The following KPNA4 variants were observed in gnomAD, a reference collection of about 807,000 sequenced individuals.
KPNA4 encodes the protein karyopherin subunit alpha 4, also known as importin subunit alpha-3.
KPNA4 carries 13 observed loss-of-function variants against 71.3 expected under a neutral mutation model. The ratio of observed to expected loss-of-function variants is 0.18; its 90% CI spans 0.12 to 0.29. The LOEUF (loss-of-function observed/expected upper bound fraction) is 0.29. KPNA4 is among the 10% of genes least tolerant of loss of function. KPNA4 has a pLI of 1.00. For missense variants in KPNA4, 334 were observed against 603.2 expected (o/e 0.55, Z 4.67); for synonymous variants, 189 against 195.2 (o/e 0.97, Z 0.26).
chr3:160,514,848 A>G lies in KPNA4; in HGVS notation c.1032+604T>C. 16 of 434,298 alleles carry G rather than the reference A, an allele frequency of 3.7e-5. 1 individual carries two copies. The highest frequency in any genetic ancestry group is 2.9e-4 in the South Asian group (16 of 56,010). 26.9% of individuals were successfully genotyped at this position (434,298 alleles called of 1,614,324 possible). On this transcript the variant is annotated intron_variant, in intron 12 of 16. Coordinates refer to ENST00000334256, the MANE Select transcript of KPNA4 (RefSeq NM_002268.5). ...GTGGCCTTACGCGTTATAATCATAG[A>G]TAACTAATAAGTTTTACTCTAAAAA...
At chr3:160,515,618 CTT>C (rs112603907) in intron 11 of KPNA4, 38 bp from the exon 12 acceptor site, 20,555 of 1,366,740 alleles carry the variant, frequency 0.015, no homozygotes, top group South Asian at 0.026. Flanking sequence ...ATGTGAAATC[CTT>C]TTTTTTTTTT....
chr3:160,522,701 G>A (rs1310782585), intron 10 of KPNA4, among the ~76,000 whole-genome samples: 1 of 151,940 alleles, frequency 6.6e-6, no homozygotes, highest in Non-Finnish European at 1.5e-5. Flanking sequence ...CTCATGATCC[G>A]CCCGCCTCGG....
chr3:160,537,572 A>T (rs1366887110), intron 1 of KPNA4, among the ~76,000 whole-genome samples: 1 of 150,710 alleles, frequency 6.6e-6, no homozygotes, highest in Non-Finnish European at 1.5e-5. Context: ...GTTTTTACAT[A>T]CAGGTTCACC....
chr3:160,554,492 T>C lies in KPNA4; in HGVS notation c.69+10722A>G, dbSNP rs538806971. Among the ~76,000 whole-genome samples, 7 of 152,328 alleles carry C rather than the reference T, an allele frequency of 4.6e-5. No individual in the cohort carries two copies. The East Asian group carries it at 9.6e-4, about 21-fold the overall frequency. ...TTGGTCTTCATCCCATTTCCAGACATACAACTTCTAAAATCCTTAAAATCT... is the reference window on the plus strand; with the variant it reads ...TTGGTCTTCATCCCATTTCCAGACACACAACTTCTAAAATCCTTAAAATCT... On this transcript the variant is annotated intron_variant, in intron 1 of 16. Transcript: ENST00000334256.
chr3:160,544,801 A>G (rs550412208), intron 1 of KPNA4, among the ~76,000 whole-genome samples: 56 of 150,518 alleles, frequency 3.7e-4, no homozygotes, highest in Non-Finnish European at 7.4e-4. Context: ...TGAGAAAAAT[A>G]GTTTTTTTTT....
chr3:160,507,794 G>T (rs1029232251), intron 15 of KPNA4, among the ~76,000 whole-genome samples: 95 of 152,260 alleles, frequency 6.2e-4, no homozygotes, highest in African/African-American at 2.2e-3. Flanking sequence ...TTCTATTAGG[G>T]TAATTAGCAC....
chr3:160,548,443 T>A (rs1721972180), intron 1 of KPNA4, among the ~76,000 whole-genome samples: 1 of 152,164 alleles, frequency 6.6e-6, no homozygotes, highest in Non-Finnish European at 1.5e-5. Context: ...ACTACATCCA[T>A]TAAACAACTC....
At chr3:160,530,134 C>CAAAAAA (rs746257397) in intron 7 of KPNA4, among the ~76,000 whole-genome samples, 9 of 38,494 alleles carry the variant, frequency 2.3e-4, no homozygotes, top group South Asian at 1.4e-3. Flanking sequence ...GACTCCATCT[C>CAAAAAA]AAAAAAAAAA....
intron 10 of KPNA4, among the ~76,000 whole-genome samples, chr3:160,523,253 T>C (rs887275594): frequency 6.6e-6 from 1 of 151,436 alleles, no homozygotes; most frequent in Admixed American, 6.6e-5. Flanking sequence ...GGTGGACTGC[T>C]TGAGCCCAGG....
At chr3:160,538,155 GTA>G (rs1166570310) in intron 1 of KPNA4, among the ~76,000 whole-genome samples, 2 of 149,236 alleles carry the variant, frequency 1.3e-5, no homozygotes, top group African/African-American at 4.9e-5. Context: ...GTATATATAT[GTA>G]TATATGTGTG....
rs576351992 is a variant in KPNA4 at position 160,498,106 on chromosome 3, T to C, written c.*3998A>G. 6.6e-6 allele frequency: 1 copy of C among 152,344 alleles called. No homozygotes were observed. The highest frequency in any genetic ancestry group is 6.5e-5 in the Admixed American group (1 of 15,302). The allele number at this position is 152,344 out of a possible 1,614,324, so 9.4% of individuals were successfully genotyped here. A position where few individuals can be genotyped will look rare whatever the true frequency, so the allele number is the denominator to read the frequency against. The stretch of plus-strand genomic sequence containing the variant: ...GGCTTTATTTGGCCCTTAGTAGCTG[T>C]GTGACCTTGGGCAAGTCACCTCAAC... On this transcript the variant is annotated 3_prime_UTR_variant, in exon 17 of 17. Transcript: ENST00000334256.
At chr3:160,562,062 C>G (rs1381151782) in intron 1 of KPNA4, among the ~76,000 whole-genome samples, 1 of 152,148 alleles carries the variant, frequency 6.6e-6, no homozygotes, top group Non-Finnish European at 1.5e-5. Flanking sequence ...TATTCTTCAT[C>G]ATTTCTAATC....
At position 160,519,801 on chromosome 3, in the gene KPNA4, C is replaced by CAAAAAAA. The variant is rs558355699; in HGVS notation, c.903+1971_903+1977dup. Reference sequence around the variant, plus strand: ...TGGGCGACAGAGCGAGACTCCGTCTCAAAAAAAAAAAAAAAAAAAAAAAAA... The same window carrying CAAAAAAA: ...TGGGCGACAGAGCGAGACTCCGTCTCAAAAAAAAAAAAAAAAAAAAAAAAAAAAAAAA... On this transcript the variant is annotated intron_variant, in intron 11 of 16. Transcript: ENST00000334256. Among the ~76,000 whole-genome samples, 46 of 83,684 alleles carry CAAAAAAA rather than the reference C, an allele frequency of 5.5e-4. 1 individual carries two copies. The highest frequency in any genetic ancestry group is 2.3e-3 in the East Asian group (5 of 2,220). The allele number at this position is 83,684 out of a possible 152,430, so 54.9% of individuals were successfully genotyped here. A position where few individuals can be genotyped will look rare whatever the true frequency, so the allele number is the denominator to read the frequency against.
intron 7 of KPNA4, 28 bp downstream of exon 7, chr3:160,530,827 C>A (rs745568302): frequency 8.7e-6 from 13 of 1,495,424 alleles, no homozygotes; most frequent in Non-Finnish European, 1.2e-5. Context: ...AAAAAAATCA[C>A]AATTATGTTT....
chr3:160,544,803 T>A (rs74360026), intron 1 of KPNA4, among the ~76,000 whole-genome samples: 1 of 127,310 alleles, frequency 7.9e-6, no homozygotes, highest in East Asian at 2.1e-4. Context: ...AGAAAAATAG[T>A]TTTTTTTTTC....
chr3:160,557,056 C>T (rs1188830170), intron 1 of KPNA4, among the ~76,000 whole-genome samples: 2 of 152,094 alleles, frequency 1.3e-5, no homozygotes, highest in African/African-American at 2.4e-5. Context: ...CCTCAAGGAA[C>T]CAAATCCTCT....
At chr3:160,564,135 A>C (rs922921396) in intron 1 of KPNA4, 3 of 152,214 alleles carry the variant, frequency 2.0e-5, no homozygotes, top group Admixed American at 2.0e-4. Context: ...AAATCTATTT[A>C]TCTAAACTCT....
chr3:160,510,060 C>T (rs1269823202), intron 13 of KPNA4, among the ~76,000 whole-genome samples, 189 bp from the exon 14 acceptor site: 1 of 152,086 alleles, frequency 6.6e-6, no homozygotes, highest in African/African-American at 2.4e-5. Flanking sequence ...ATGGAGACAC[C>T]TTTCTGTGAA....
chr3:160,555,628 T>C (rs1019120727), intron 1 of KPNA4, among the ~76,000 whole-genome samples: 1 of 152,194 alleles, frequency 6.6e-6, no homozygotes. Flanking sequence ...TAAATATTAA[T>C]ATCTTGTTGT....
Sources: allele counts gnomAD v4.1 joint callset (sites outside exome capture counted in the v4.1 genomes callset), GRCh38; gene constraint gnomAD v4.1.1; transcripts MANE v1.5; gene names NCBI Gene and HGNC (gene_info 2026-07-23, HGNC 2026-07-21).